Variants in UBE3D observed in about 807,000 individuals in gnomAD.
The protein encoded by UBE3D is ubiquitin protein ligase E3D.
UBE3D carries 48 observed loss-of-function variants against 49.6 expected under a neutral mutation model. That is an observed-to-expected ratio of 0.97 (90% CI 0.77 to 1.23). UBE3D has a LOEUF of 1.23. Ranked by LOEUF, UBE3D falls within the 50% of genes most tolerant of loss-of-function variation. The pLI is 0.00. For synonymous variants in UBE3D, 189 were observed against 174.2 expected, an observed-to-expected ratio of 1.08 and a Z score of -0.67; for missense variants, 452 against 468.4, an observed-to-expected ratio of 0.96 and a Z score of 0.32.
intron 8 of UBE3D, among the ~76,000 whole-genome samples, chr6:82,968,042 G>T (rs533810083): frequency 3.9e-5 from 6 of 152,172 alleles, no homozygotes; most frequent in African/African-American, 1.2e-4. Flanking sequence ...TCAGTTTGGG[G>T]CTATTATAAA....
At chr6:82,996,110 A>G (rs1779220870) in intron 8 of UBE3D, among the ~76,000 whole-genome samples, 1 of 152,108 alleles carries the variant, frequency 6.6e-6, no homozygotes, top group Non-Finnish European at 1.5e-5. Context: ...CTATCCACTG[A>G]TAAAAAAGAA....
intron 9 of UBE3D, among the ~76,000 whole-genome samples, chr6:82,913,669 CA>C (rs1028236294): frequency 1.3e-5 from 2 of 152,146 alleles, no homozygotes; most frequent in Admixed American, 1.3e-4. Context: ...GGTGATAAAT[CA>C]GTTTACTTTT....
intron 5 of UBE3D, among the ~76,000 whole-genome samples, chr6:83,027,580 C>T (rs541478032): frequency 5.6e-4 from 85 of 151,380 alleles, no homozygotes; most frequent in African/African-American, 1.9e-3. Context: ...CTAGGATCAA[C>T]AGTTATTTGC....
chr6:82,892,700 T>C lies in UBE3D; in HGVS notation c.*322A>G, dbSNP rs1295229005. The C allele has an allele frequency of 1.1e-5, 4 of 366,772 alleles. No individual in the cohort carries two copies. Among genetic ancestry groups the C allele is most frequent in the African/African-American group, 2.1e-5 (1 of 47,630 alleles). The allele number at this position is 366,772 out of a possible 1,614,324, so 22.7% of individuals were successfully genotyped here. ...CCACACAGGACAGATGGATCTCCAT[T>C]AGGTAATAACCTTCCAGGTGGTGCT... On this transcript the variant is annotated 3_prime_UTR_variant, in exon 10 of 10. Transcript: ENST00000369747.
intron 7 of UBE3D, 73 bp from the exon 8 acceptor site, chr6:83,019,209 CA>C (rs1474121299): frequency 7.6e-7 from 1 of 1,322,474 alleles, no homozygotes; most frequent in East Asian, 2.6e-5. Flanking sequence ...TTTTCAAAAA[CA>C]AAAAAGAGAC....
At chr6:82,981,729 C>T (rs1283192349) in intron 8 of UBE3D, among the ~76,000 whole-genome samples, 3 of 151,820 alleles carry the variant, frequency 2.0e-5, no homozygotes, top group Admixed American at 6.6e-5. Context: ...TAAAGAATTG[C>T]CTTAGAAAAA....
Position 83,065,660 on chromosome 6 carries a change from C to T in UBE3D, c.59G>A (p.Ser20Asn). 6.2e-7 allele frequency: 1 copy of T among 1,613,958 alleles called. No individual in the cohort carries two copies. The highest frequency in any genetic ancestry group is 8.5e-7 in the Non-Finnish European group (1 of 1,179,914). Reference protein sequence around the residue: ...VFLEVRGQLQSALLILGEPKE... With the variant: ...VFLEVRGQLQNALLILGEPKE... ...TTCTTACCCCAGGATCAGAAGCGCG[C>T]TCTGCAGCTGTCCCCGCACCTCCAG... The change falls in exon 1 of 10, where the codon AGC becomes AAC. Residue 20 changes from serine to asparagine, a missense_variant. Coordinates refer to ENST00000369747, the MANE Select transcript of UBE3D (RefSeq NM_198920.3).
At chr6:82,944,602 T>C (rs1775262362) in intron 9 of UBE3D, among the ~76,000 whole-genome samples, 1 of 152,222 alleles carries the variant, frequency 6.6e-6, no homozygotes, top group African/African-American at 2.4e-5. Context: ...AAAGGAGACT[T>C]TGTCTTGCAC....
chr6:82,922,967 A>G (rs1302645419), intron 9 of UBE3D, among the ~76,000 whole-genome samples: 2 of 152,268 alleles, frequency 1.3e-5, no homozygotes, highest in South Asian at 2.1e-4. Context: ...AATGCTCATC[A>G]TCACTGGTCA....
At chr6:82,977,113 C>CAAAAAAAAAAAAA (rs58424434) in intron 8 of UBE3D, among the ~76,000 whole-genome samples, 21 of 42,586 alleles carry the variant, frequency 4.9e-4, no homozygotes, top group African/African-American at 2.1e-3. Flanking sequence ...GACTCCATCT[C>CAAAAAAAAAAAAA]AAAAAAAAAA....
chr6:83,063,095 A>T (rs1472388493), intron 1 of UBE3D: 1 of 214,284 alleles, frequency 4.7e-6, no homozygotes, highest in African/African-American at 2.4e-5. Flanking sequence ...TAAAATTAAA[A>T]TTTCTGTTCA....
chr6:82,980,806 G>A (rs982591813), intron 8 of UBE3D, among the ~76,000 whole-genome samples: 5 of 151,944 alleles, frequency 3.3e-5, no homozygotes, highest in Admixed American at 1.3e-4. Flanking sequence ...ACCATTTATC[G>A]AAAAGGGTGT....
intron 1 of UBE3D, among the ~76,000 whole-genome samples, chr6:83,063,432 A>G (rs1483604626): frequency 6.6e-6 from 1 of 150,850 alleles, no homozygotes; most frequent in African/African-American, 2.4e-5. Context: ...AAAAAAAAAA[A>G]AAAAAGAAAA....
At chr6:82,961,269 G>A (rs1776528714) in intron 8 of UBE3D, among the ~76,000 whole-genome samples, 1 of 152,136 alleles carries the variant, frequency 6.6e-6, no homozygotes, top group Non-Finnish European at 1.5e-5. Context: ...CTATAACATG[G>A]TCGCCTTTAA....
At chr6:82,963,694 G>T (rs1175494282) in intron 8 of UBE3D, among the ~76,000 whole-genome samples, 3 of 152,094 alleles carry the variant, frequency 2.0e-5, no homozygotes, top group Non-Finnish European at 4.4e-5. Context: ...GATTAAGGGT[G>T]GGTCTGCCTT....
chr6:82,918,393 T>C (rs1284001660), intron 9 of UBE3D, among the ~76,000 whole-genome samples: 5 of 152,238 alleles, frequency 3.3e-5, no homozygotes, highest in South Asian at 2.1e-4. Context: ...GTATGACTTA[T>C]TATAAAGGTA....
chr6:82,937,574 G>C lies in UBE3D; in HGVS notation c.1149+19738C>G, dbSNP rs1774675621. On this transcript the variant is annotated intron_variant, in intron 9 of 9. Transcript: ENST00000369747. Reference sequence around the variant, plus strand: ...AGTAGCAGCTCCAGGCAACAGAAGAGGCTCACATTTTAGAAATCTTTCTTG... The same window carrying C: ...AGTAGCAGCTCCAGGCAACAGAAGACGCTCACATTTTAGAAATCTTTCTTG... 2.6e-5 allele frequency among the ~76,000 whole-genome samples: 4 copies of C among 152,144 alleles called. No homozygotes were observed. The South Asian group carries it at 8.3e-4, about 32-fold the overall frequency.
At chr6:82,948,857 G>A (rs1316226292) in intron 9 of UBE3D, among the ~76,000 whole-genome samples, 1 of 149,708 alleles carries the variant, frequency 6.7e-6, no homozygotes, top group Non-Finnish European at 1.5e-5. Context: ...ACTGGGTATA[G>A]AAGGAACATA....
intron 9 of UBE3D, among the ~76,000 whole-genome samples, chr6:82,919,995 AT>A: frequency 6.6e-6 from 1 of 152,348 alleles, no homozygotes; most frequent in East Asian, 1.9e-4. Context: ...ACCGAATGAA[AT>A]TTCTGTACTA....
Sources: allele counts gnomAD v4.1 joint callset (sites outside exome capture counted in the v4.1 genomes callset), GRCh38; gene constraint gnomAD v4.1.1; transcripts MANE v1.5; gene names NCBI Gene and HGNC (gene_info 2026-07-23, HGNC 2026-07-21).